GRK4: variants seen among roughly 807,000 people sequenced by gnomAD.
The protein encoded by GRK4 is G protein-coupled receptor kinase 2-like.
In GRK4, 73 loss-of-function variants were observed where a neutral mutation model predicts 77.9. That is an observed-to-expected ratio of 0.94 (90% CI 0.78 to 1.14). GRK4 has a LOEUF of 1.14. Ranked by LOEUF, GRK4 falls within the 50% of genes most tolerant of loss-of-function variation. The pLI, the probability that GRK4 is intolerant of heterozygous loss-of-function variation, is 0.00. For synonymous variants in GRK4, 257 were observed against 254.4 expected, an observed-to-expected ratio of 1.01 and a Z score of -0.10; for missense variants, 729 against 700.2, an observed-to-expected ratio of 1.04 and a Z score of -0.46.
chr4:2,971,839 T>C (rs1234154715), intron 1 of GRK4, among the ~76,000 whole-genome samples: 1 of 152,188 alleles, frequency 6.6e-6, no homozygotes, highest in Non-Finnish European at 1.5e-5. Flanking sequence ...ATCATTCTGA[T>C]CTGTCTTCAT....
At chr4:3,000,135 A>G (rs1408091645) in intron 4 of GRK4, among the ~76,000 whole-genome samples, 2 of 152,166 alleles carry the variant, frequency 1.3e-5, no homozygotes, top group Non-Finnish European at 2.9e-5. Context: ...ATTCTGAAAA[A>G]CAATGATTGA....
intron 12 of GRK4, among the ~76,000 whole-genome samples, chr4:3,030,959 A>G (rs1480142189): frequency 6.6e-6 from 1 of 152,176 alleles, no homozygotes; most frequent in African/African-American, 2.4e-5. Flanking sequence ...CTTTGCAGCG[A>G]TTCAGGTGAG....
intron 1 of GRK4, among the ~76,000 whole-genome samples, chr4:2,968,788 G>C (rs1718558640): frequency 6.6e-6 from 1 of 152,140 alleles, no homozygotes; most frequent in Admixed American, 6.6e-5. Context: ...TTTAGACAGG[G>C]GGCTGCTGAT....
chr4:3,038,592 G>T, intron 15 of GRK4, 79 bp downstream of exon 15: 1 of 1,503,770 alleles, frequency 6.6e-7, no homozygotes, highest in Non-Finnish European at 9.0e-7. Context: ...GTGAAAACCT[G>T]GTACTTTTTC....
intron 10 of GRK4, among the ~76,000 whole-genome samples, chr4:3,025,880 AT>A (rs1737383404): frequency 6.6e-6 from 1 of 152,108 alleles, no homozygotes; most frequent in Non-Finnish European, 1.5e-5. Context: ...TTCCCCACTC[AT>A]TTCTTAAATA....
intron 1 of GRK4, among the ~76,000 whole-genome samples, chr4:2,972,091 C>G (rs1289768023): frequency 6.6e-6 from 1 of 152,190 alleles, no homozygotes; most frequent in Non-Finnish European, 1.5e-5. Context: ...ACCTCTGAAA[C>G]AGATGAAGGC....
intron 1 of GRK4, among the ~76,000 whole-genome samples, chr4:2,974,777 G>A (rs73792114): frequency 0.023 from 3,552 of 152,266 alleles, 91 homozygotes; most frequent in African/African-American, 0.069. Flanking sequence ...CCTGTCACCC[G>A]AGTGGTACAC....
In GRK4 at chr4:3,016,188, T is replaced by C. The variant is rs970595017; in HGVS notation, c.741+2360T>C. Among the ~76,000 whole-genome samples the C allele has an allele frequency of 8.1e-5, 12 of 148,738 alleles. No homozygotes were observed. The East Asian group carries it at 8.7e-4, about 11-fold the overall frequency. ...CTCCCAGAATGCTGGGGATTACAGG[T>C]GTGAGCCACCAAGCCTGGCCTCTAC... On this transcript the variant is annotated intron_variant, in intron 8 of 15. Coordinates refer to ENST00000398052, the MANE Select transcript of GRK4 (RefSeq NM_182982.3).
At chr4:3,040,270 G>A (rs1002431863) in intron 15 of GRK4, among the ~76,000 whole-genome samples, 3 of 151,930 alleles carry the variant, frequency 2.0e-5, no homozygotes, top group African/African-American at 7.3e-5. Flanking sequence ...GTGAAACCCC[G>A]TCTCTGCTAA....
rs1412118761 is a variant in GRK4, at chr4:3,029,590, G to A, written c.1269+181G>A. Among the ~76,000 whole-genome samples the A allele has an allele frequency of 5.3e-5, 8 of 150,040 alleles. No individual in the cohort carries two copies. In the East Asian group the frequency reaches 9.8e-4, roughly 18 times the overall value. ...GAGGACACGCGTGTTCAGGAGGCTCGGGTCCACCTGTGTCTTGGCCCAGCA... is the reference window on the plus strand; with the variant it reads ...GAGGACACGCGTGTTCAGGAGGCTCAGGTCCACCTGTGTCTTGGCCCAGCA... On this transcript the variant is annotated intron_variant, in intron 12 of 15. Coordinates refer to ENST00000398052, the MANE Select transcript of GRK4 (RefSeq NM_182982.3).
At chr4:3,025,194 C>G (rs1186273894) in intron 10 of GRK4, among the ~76,000 whole-genome samples, 2 of 149,112 alleles carry the variant, frequency 1.3e-5, no homozygotes, top group African/African-American at 5.0e-5. Flanking sequence ...TCGCTTGAAC[C>G]TGGGAGGCGG....
chr4:3,021,366 C>G (rs543462486), intron 9 of GRK4, among the ~76,000 whole-genome samples: 1 of 152,366 alleles, frequency 6.6e-6, no homozygotes, highest in Admixed American at 6.5e-5. Context: ...GCCCCTCCCC[C>G]ACATCCTCCA....
chr4:3,014,110 C>A (rs1207499553), intron 8 of GRK4, among the ~76,000 whole-genome samples: 1 of 152,102 alleles, frequency 6.6e-6, no homozygotes, highest in African/African-American at 2.4e-5. Context: ...ACTCTTCACA[C>A]CTGCCAGCTT....
At chr4:2,970,499 A>G (rs904917640) in intron 1 of GRK4, among the ~76,000 whole-genome samples, 3 of 151,902 alleles carry the variant, frequency 2.0e-5, no homozygotes, top group African/African-American at 7.2e-5. Context: ...CTCTACTAAA[A>G]ATACAAAAAT....
chr4:2,993,466 G>C (rs776238890), intron 4 of GRK4, among the ~76,000 whole-genome samples: 2 of 152,200 alleles, frequency 1.3e-5, no homozygotes, highest in East Asian at 1.9e-4. Context: ...TTGAGGTCAA[G>C]AATTCGACAC....
chr4:3,022,916 C>A (rs1184755642), intron 10 of GRK4, among the ~76,000 whole-genome samples: 2 of 152,154 alleles, frequency 1.3e-5, no homozygotes, highest in African/African-American at 4.8e-5. Context: ...TCTCAAACTA[C>A]TGCCCTCAAG....
chr4:2,978,208 T>G (rs1721770111), intron 1 of GRK4, among the ~76,000 whole-genome samples: 1 of 152,248 alleles, frequency 6.6e-6, no homozygotes. Flanking sequence ...ATCTTTAAAA[T>G]TACTTTATGT....
intron 7 of GRK4, among the ~76,000 whole-genome samples, chr4:3,011,769 C>T (rs1415453497): frequency 6.6e-6 from 1 of 152,188 alleles, no homozygotes; most frequent in Non-Finnish European, 1.5e-5. Flanking sequence ...GAGAGCAAAC[C>T]TAGTTGGTTT....
intron 8 of GRK4, among the ~76,000 whole-genome samples, chr4:3,019,131 A>C (rs1735370409): frequency 6.6e-6 from 1 of 152,220 alleles, no homozygotes; most frequent in Admixed American, 6.5e-5. Flanking sequence ...GCTATTAATT[A>C]TATGAAAGGG....
Sources: allele counts gnomAD v4.1 joint callset (sites outside exome capture counted in the v4.1 genomes callset), GRCh38; gene constraint gnomAD v4.1.1; transcripts MANE v1.5; gene names NCBI Gene and HGNC (gene_info 2026-07-23, HGNC 2026-07-21).